UTP4: variants seen among roughly 807,000 people sequenced by gnomAD.
The protein encoded by UTP4 is U3 small nucleolar RNA-associated protein 4 homolog.
Under a neutral mutation model 82.4 loss-of-function variants are expected in UTP4, and 45 were observed. The observed-to-expected ratio is 0.55, with a 90% CI of 0.43 to 0.70. UTP4 has a LOEUF of 0.70. Among genes scored for constraint, UTP4 ranks in the 30% least tolerant of loss-of-function variants. The pLI is 0.00. For missense variants in UTP4, 819 were observed against 858.3 expected (o/e 0.95, Z 0.57); for synonymous variants, 348 against 300.3 (o/e 1.16, Z -1.64).
chr16:69,159,435 C>T (rs1051587804), intron 12 of UTP4, among the ~76,000 whole-genome samples: 1 of 152,116 alleles, frequency 6.6e-6, no homozygotes, highest in Non-Finnish European at 1.5e-5. Flanking sequence ...TGGCTCACAC[C>T]TCCCAGCACT....
chr16:69,164,612 A>ATATATG (rs1555495255), intron 14 of UTP4, among the ~76,000 whole-genome samples: 1 of 129,194 alleles, frequency 7.7e-6, no homozygotes, highest in African/African-American at 3.1e-5. Flanking sequence ...ATATATATAT[A>ATATATG]TATGTATATA....
In UTP4 at chr16:69,150,565, C is replaced by G. The variant is rs754315617; in HGVS notation, c.767C>G (p.Ala256Gly). Residue 256 changes from alanine (A) to glycine (G), a missense_variant, in exon 7 of 17, where the codon GCC becomes GGC. Transcript: ENST00000314423. ...DQEDSFVVGT[A>G]EGTVFHFQLV... ...GAAGACAGTTTCGTGGTGGGCACAG[C>G]CGAGGGAACAGTCTTCCATTTTCAG... 6.2e-7 allele frequency: 1 copy of G among 1,614,228 alleles called. No individual in the cohort carries two copies. The highest frequency in any genetic ancestry group is 8.5e-7 in the Non-Finnish European group (1 of 1,180,042).
chr16:69,165,702 T>C (rs1020974498), intron 15 of UTP4, 176 bp downstream of exon 15: 4 of 693,842 alleles, frequency 5.8e-6, no homozygotes, highest in Non-Finnish European at 1.0e-5. Flanking sequence ...GATTCCCTGG[T>C]TTGTGTTCCC....
intron 6 of UTP4, among the ~76,000 whole-genome samples, chr16:69,148,968 G>T (rs1257492215): frequency 6.6e-6 from 1 of 151,830 alleles, no homozygotes; most frequent in African/African-American, 2.4e-5. Flanking sequence ...GTTTTTTCTT[G>T]TTTATTTCTT....
At chr16:69,151,893 A>T (rs1963278967) in intron 8 of UTP4, among the ~76,000 whole-genome samples, 1 of 151,494 alleles carries the variant, frequency 6.6e-6, no homozygotes, top group Admixed American at 6.6e-5. Flanking sequence ...TGTTCTAGGT[A>T]AATGGTACCA....
chr16:69,143,910 G>A (rs1407671154), intron 6 of UTP4, among the ~76,000 whole-genome samples: 2 of 151,320 alleles, frequency 1.3e-5, no homozygotes, highest in Admixed American at 1.3e-4. Flanking sequence ...TTTTTGAGAT[G>A]GAGTTTCATT....
At chr16:69,137,730 G>C in intron 3 of UTP4, 71 bp from the exon 4 acceptor site, 1 of 810,418 alleles carries the variant, frequency 1.2e-6, no homozygotes. Context: ...GTTGGGGGGT[G>C]TGTGTGTGTG....
At chr16:69,141,731 A>T (rs1168204376) in intron 5 of UTP4, among the ~76,000 whole-genome samples, 1 of 151,206 alleles carries the variant, frequency 6.6e-6, no homozygotes, top group Non-Finnish European at 1.5e-5. Context: ...TGAGTTTTTC[A>T]TTTTTGACAT....
Position 69,155,955 on chromosome 16 carries a change from C to T in UTP4, c.1249C>T (p.Arg417Trp), listed in dbSNP as rs772154514. 5.6e-6 allele frequency: 9 copies of T among 1,613,876 alleles called. No homozygotes were observed. The East Asian group carries it at 6.7e-5, about 12-fold the overall frequency. Residue 417 changes from arginine (R) to tryptophan (W), a missense_variant, in exon 11 of 17, where the codon CGG (arginine) becomes TGG (tryptophan). Coordinates refer to ENST00000314423, the MANE Select transcript of UTP4 (RefSeq NM_032830.3). ...TACAGTTTCTCGGTTTTTTCTCTAT[C>T]GGCTGAATTATGAACATGACAACAT... ...YSTVSRFFLY[R>W]LNYEHDNISL...
rs1962712408 is a variant in UTP4 at position 69,133,492 on chromosome 16, C to G, written c.33C>G (p.Phe11Leu). Residue 11 changes from phenylalanine (F) to leucine (L), a missense_variant, in exon 2 of 17, where the codon TTC becomes TTG. Physicochemically the swap from Phe to Leu is conservative, Grantham distance 22. Coordinates refer to ENST00000314423, the MANE Select transcript of UTP4 (RefSeq NM_032830.3). Reference sequence around the variant, plus strand: ...AATTTAAGGTCCATCGAGTACGTTTCTTTAATTATGTTCCATCAGGAATCC... The same window carrying G: ...AATTTAAGGTCCATCGAGTACGTTTGTTTAATTATGTTCCATCAGGAATCC... The part of the protein sequence containing the change: MGEFKVHRVR[F>L]FNYVPSGIRC... 6.2e-7 allele frequency: 1 copy of G among 1,614,038 alleles called. No homozygotes were observed. Among genetic ancestry groups the G allele is most frequent in the African/African-American group, 1.3e-5 (1 of 74,908 alleles).
chr16:69,161,863 T>C (rs1963569717), intron 13 of UTP4, among the ~76,000 whole-genome samples: 1 of 151,972 alleles, frequency 6.6e-6, no homozygotes, highest in Non-Finnish European at 1.5e-5. Flanking sequence ...GGTTTTGCTG[T>C]GTTGCCCAGG....
chr16:69,143,139 A>G (rs779653962), intron 5 of UTP4, 39 bp from the exon 6 acceptor site: 1 of 1,601,296 alleles, frequency 6.2e-7, no homozygotes, highest in Non-Finnish European at 8.6e-7. Flanking sequence ...AGACAGAGAA[A>G]TAAGTACCAT....
At chr16:69,168,683 G>T in intron 16 of UTP4, 138 bp from the exon 17 acceptor site, 1 of 738,174 alleles carries the variant, frequency 1.4e-6, no homozygotes, top group Non-Finnish European at 2.5e-6. Flanking sequence ...GGGCAGGAAA[G>T]ATTGTCAAGA....
At chr16:69,150,134 G>A (rs551152141) in intron 6 of UTP4, among the ~76,000 whole-genome samples, 27 of 152,256 alleles carry the variant, frequency 1.8e-4, no homozygotes, top group African/African-American at 6.5e-4. Context: ...CATTTCTTTA[G>A]TGATAATAAC....
intron 10 of UTP4, among the ~76,000 whole-genome samples, chr16:69,154,917 A>G (rs1419722558): frequency 1.3e-5 from 2 of 151,496 alleles, no homozygotes; most frequent in Non-Finnish European, 2.9e-5. Context: ...TTTAGTAGAG[A>G]TGGGGTTGGT....
At chr16:69,146,677 A>G (rs1963117222) in intron 6 of UTP4, among the ~76,000 whole-genome samples, 1 of 151,488 alleles carries the variant, frequency 6.6e-6, no homozygotes, top group African/African-American at 2.4e-5. Flanking sequence ...CCTGGCCAGT[A>G]TGATGAAACC....
chr16:69,141,752 C>CT (rs977138350), intron 5 of UTP4, among the ~76,000 whole-genome samples: 5 of 151,182 alleles, frequency 3.3e-5, no homozygotes, highest in Admixed American at 6.6e-5. Context: ...TTCCAGAGTT[C>CT]TTTTTTTTCG....
chr16:69,156,160 T>TTTC (rs1450774680), intron 11 of UTP4, among the ~76,000 whole-genome samples, 167 bp downstream of exon 11: 1 of 150,386 alleles, frequency 6.6e-6, no homozygotes, highest in Non-Finnish European at 1.5e-5. Flanking sequence ...CTTTCTTTTT[T>TTTC]TTTTTTTTTT....
intron 12 of UTP4, among the ~76,000 whole-genome samples, chr16:69,159,991 A>T (rs531582596): frequency 6.6e-6 from 1 of 151,944 alleles, no homozygotes. Context: ...TCTCAAAAAA[A>T]AAAAAACAAA....
Sources: allele counts gnomAD v4.1 joint callset (sites outside exome capture counted in the v4.1 genomes callset), GRCh38; gene constraint gnomAD v4.1.1; transcripts MANE v1.5; gene names NCBI Gene and HGNC (gene_info 2026-07-23, HGNC 2026-07-21).